The following ZNF782 variants were observed in gnomAD, a reference collection of about 807,000 sequenced individuals.
ZNF782 encodes the protein zinc finger protein 782.
In ZNF782, 12 loss-of-function variants were observed where a neutral mutation model predicts 13.0. That is an observed-to-expected ratio of 0.92 (90% confidence interval 0.59 to 1.50). The LOEUF is 1.50. ZNF782 is among the 40% of genes most tolerant of loss of function. The pLI is 0.00. For missense variants in ZNF782, 770 were observed against 822.9 expected, an observed-to-expected ratio of 0.94 and a Z score of 0.79; for synonymous variants, 284 against 283.0, an observed-to-expected ratio of 1.00 and a Z score of -0.04.
exon 1 of ZNF782, chr9:96,875,600 T>G (rs984250096): frequency 2.2e-6 from 1 of 456,646 alleles, no homozygotes; most frequent in Admixed American, 2.3e-5. Flanking sequence ...GCCGCGGGCA[T>G]GCGCTTTCCC....
At chr9:96,834,536 A>G (rs1466239732) in intron 4 of ZNF782, among the ~76,000 whole-genome samples, 2 of 151,836 alleles carry the variant, frequency 1.3e-5, no homozygotes, top group Non-Finnish European at 2.9e-5. Flanking sequence ...TTATTTAGAG[A>G]TTCCTCAGTT....
At chr9:96,872,238 A>C (rs1327035293) in intron 1 of ZNF782, among the ~76,000 whole-genome samples, 1 of 152,202 alleles carries the variant, frequency 6.6e-6, no homozygotes. Context: ...TTTTAATTAA[A>C]ATGTGACTAG....
At chr9:96,901,622 T>C in the ZNF782 span, among the ~76,000 whole-genome samples, 1 of 151,864 alleles carries the variant, frequency 6.6e-6, no homozygotes, top group Admixed American at 6.6e-5. Context: ...GGCTGGTTAT[T>C]GCTGGAAATC....
the ZNF782 span, among the ~76,000 whole-genome samples, chr9:96,917,673 A>G: frequency 2.7e-5 from 4 of 150,464 alleles, no homozygotes; most frequent in African/African-American, 7.3e-5. Context: ...CTCATGATCC[A>G]CCCGCCTCAG....
the ZNF782 span, among the ~76,000 whole-genome samples, chr9:96,930,907 T>TTTTTTTTTTTTTTTTTTTTTTTTTTTTG: frequency 9.0e-6 from 1 of 111,628 alleles, no homozygotes; most frequent in African/African-American, 4.1e-5. Context: ...TTTTTTTTTT[T>TTTTTTTTTTTTTTTTTTTTTTTTTTTTG]TTTTTGAGAC....
chr9:96,830,053 A>C (rs905322483), intron 4 of ZNF782, among the ~76,000 whole-genome samples: 1 of 152,202 alleles, frequency 6.6e-6, no homozygotes, highest in Non-Finnish European at 1.5e-5. Context: ...AGAAGCTGGC[A>C]ACAAACAACA....
chr9:96,832,696 CTT>C (rs1292834564), intron 4 of ZNF782, among the ~76,000 whole-genome samples: 1 of 152,086 alleles, frequency 6.6e-6, no homozygotes, highest in Non-Finnish European at 1.5e-5. Context: ...TATTCAAATT[CTT>C]TTTCCCCAGA....
At chr9:96,918,761 C>A in the ZNF782 span, 106 of 162,740 alleles carry the variant, frequency 6.5e-4, no homozygotes, top group Non-Finnish European at 1.2e-3. Flanking sequence ...AACTTGTGTG[C>A]CGAGGAGACT....
intron 5 of ZNF782, among the ~76,000 whole-genome samples, chr9:96,822,947 T>A (rs1173248107): frequency 6.6e-6 from 1 of 152,236 alleles, no homozygotes; most frequent in Non-Finnish European, 1.5e-5. Flanking sequence ...GTGGATTTAT[T>A]CATTTTTGCA....
Position 96,850,577 on chromosome 9 carries a change from G to A in ZNF782, c.15+1370C>T, listed in dbSNP as rs901387206. Among the ~76,000 whole-genome samples, 6 of 152,048 alleles carry A rather than the reference G, an allele frequency of 3.9e-5. No homozygotes were observed. Among genetic ancestry groups the A allele is most frequent in the East Asian group, 1.9e-4 (1 of 5,174 alleles). Reference sequence around the variant, plus strand: ...CAATGTACACTACTTGTCAGACCACGGGTGAACTAAAATCTCAGAATTCAC... The same window carrying A: ...CAATGTACACTACTTGTCAGACCACAGGTGAACTAAAATCTCAGAATTCAC... On this transcript the variant is annotated intron_variant, in intron 3 of 5. Coordinates refer to ENST00000481138, the MANE Select transcript of ZNF782 (RefSeq NM_001001662.3). The surrounding 1 kb of genome is among the most constrained non-coding windows in gnomAD (Gnocchi z 4.3).
At chr9:96,879,859 C>T (rs73654631), upstream of ZNF782, among the ~76,000 whole-genome samples, 12,153 of 152,024 alleles carry the variant, frequency 0.08, 1,486 homozygotes, top group African/African-American at 0.27. Flanking sequence ...CTCACTTATT[C>T]GTTTTAGGAT....
chr9:96,848,979 C>G (rs1851417089), intron 3 of ZNF782, among the ~76,000 whole-genome samples: 1 of 152,172 alleles, frequency 6.6e-6, no homozygotes, highest in African/African-American at 2.4e-5. Flanking sequence ...GGCAGGCACA[C>G]AGACCAATGG....
intron 4 of ZNF782, among the ~76,000 whole-genome samples, chr9:96,832,725 C>T (rs1850846901): frequency 6.6e-6 from 1 of 151,972 alleles, no homozygotes; most frequent in South Asian, 2.1e-4. Context: ...ATATTGTTTC[C>T]CTTTAGTTGC....
chr9:96,859,325 C>G (rs1268509685), upstream of ZNF782, among the ~76,000 whole-genome samples: 1 of 152,152 alleles, frequency 6.6e-6, no homozygotes, highest in African/African-American at 2.4e-5. Flanking sequence ...GCCCACCCCT[C>G]CTCCAACCCT....
chr9:96,902,527 T>C, the ZNF782 span, among the ~76,000 whole-genome samples: 5 of 130,462 alleles, frequency 3.8e-5, no homozygotes, highest in African/African-American at 9.9e-5. Context: ...GTAAGATACA[T>C]AGAATTACAT....
chr9:96,818,607 G>T lies in ZNF782; in HGVS notation c.1416C>A (p.His472Gln). The change falls in exon 6 of 6, where the codon CAC becomes CAA. Residue 472 changes from histidine to glutamine, a missense_variant. By Grantham distance (24) the His-to-Gln change is conservative (BLOSUM62 0). Coordinates refer to ENST00000481138, the MANE Select transcript of ZNF782 (RefSeq NM_001001662.3). ...KSILIVHQRT[H>Q]TGEKPFECNE... is the part of the protein sequence containing the mutation. The stretch of plus-strand genomic sequence containing the variant: ...TACATTCAAAAGGTTTCTCCCCTGT[G>T]TGAGTTCTCTGATGCACTATGAGGA... The T allele has an allele frequency of 3.1e-6, 5 of 1,614,174 alleles. No homozygotes were observed. Among genetic ancestry groups the T allele is most frequent in the Non-Finnish European group, 4.2e-6 (5 of 1,180,018 alleles).
At chr9:96,877,079 T>TA (rs1488968515), upstream of ZNF782, among the ~76,000 whole-genome samples, 1 of 151,982 alleles carries the variant, frequency 6.6e-6, no homozygotes, top group Non-Finnish European at 1.5e-5. Context: ...TTGATTTTTT[T>TA]AACCAAACCA....
At chr9:96,830,697 T>A (rs1850771971) in intron 4 of ZNF782, among the ~76,000 whole-genome samples, 1 of 152,168 alleles carries the variant, frequency 6.6e-6, no homozygotes, top group South Asian at 2.1e-4. Context: ...TCACTTGTCA[T>A]ACCAAGATCT....
intron 5 of ZNF782, among the ~76,000 whole-genome samples, chr9:96,825,015 A>G (rs1436055086): frequency 3.3e-5 from 5 of 151,492 alleles, no homozygotes; most frequent in African/African-American, 7.3e-5. Context: ...CATCCCCATC[A>G]AGCTACCAAT....
Sources: gnomAD v4.1 joint callset for allele counts (sites outside exome capture counted in the v4.1 genomes callset) on GRCh38, gnomAD v4.1.1 for gene constraint, Gnocchi (gnomAD v3.1) non-coding constraint, MANE v1.5 for transcripts, NCBI Gene and HGNC (gene_info 2026-07-23, HGNC 2026-07-21) for gene names.